The following LRP2 variants were observed in gnomAD, a reference collection of about 807,000 sequenced individuals.
LRP2 encodes the protein LDL receptor related protein 2.
Under a neutral mutation model 531.0 loss-of-function variants are expected in LRP2, and 172 were observed. The observed-to-expected ratio is 0.32, with a 90% CI of 0.29 to 0.37. The LOEUF is 0.37. LRP2 is among the 10% of genes least tolerant of loss of function. LRP2 has a pLI of 1.00. For synonymous variants in LRP2, 1,992 were observed against 2,027.6 expected (o/e 0.98, Z 0.47); for missense variants, 5,167 against 5,868.3 (o/e 0.88, Z 3.90).
At chr2:169,328,686 T>C (rs1181933173) in intron 1 of LRP2, among the ~76,000 whole-genome samples, 1 of 151,996 alleles carries the variant, frequency 6.6e-6, no homozygotes, top group African/African-American at 2.4e-5. Flanking sequence ...TGATGTGAGA[T>C]TTATACTTAT....
At chr2:169,208,704 G>C (rs899622523) in intron 38 of LRP2, among the ~76,000 whole-genome samples, 1 of 152,126 alleles carries the variant, frequency 6.6e-6, no homozygotes, top group Non-Finnish European at 1.5e-5. Flanking sequence ...TGATCCGCCT[G>C]CCTCAGCCTC....
At chr2:169,254,840 T>C (rs988683288) in intron 19 of LRP2, among the ~76,000 whole-genome samples, 2 of 151,990 alleles carry the variant, frequency 1.3e-5, no homozygotes, top group African/African-American at 4.8e-5. Flanking sequence ...AATGTTTCTA[T>C]GTGACAGCAA....
chr2:169,292,412 G>T, intron 6 of LRP2, 43 bp from the exon 7 acceptor site: 4 of 1,276,200 alleles, frequency 3.1e-6, no homozygotes, highest in Non-Finnish European at 4.6e-6. Flanking sequence ...ACAAATCACC[G>T]GGAAAAACTG....
At chr2:169,130,537 CGGCCTCCCAAAGAGCTGGGATTACA>C (rs1289502615) in intron 77 of LRP2, among the ~76,000 whole-genome samples, 2 of 152,186 alleles carry the variant, frequency 1.3e-5, no homozygotes, top group African/African-American at 4.8e-5. Flanking sequence ...CCACCCACCT[CGGCCTCCCAAAGAGCTGGGATTACA>C]GGTGTGAGCC....
At chr2:169,188,985 T>C (rs1418418467) in intron 48 of LRP2, among the ~76,000 whole-genome samples, 1 of 152,170 alleles carries the variant, frequency 6.6e-6, no homozygotes, top group Non-Finnish European at 1.5e-5. Context: ...GAAGAAGGCA[T>C]GCTGTAGTAC....
chr2:169,212,226 C>T lies in LRP2; in HGVS notation c.6041-19G>A. 2 of 1,613,864 alleles carry T rather than the reference C, an allele frequency of 1.2e-6. No homozygotes were observed. Among genetic ancestry groups the T allele is most frequent in the East Asian group, 2.2e-5 (1 of 44,880 alleles). ...GCGGCATCTAAATGAAAACAAAATC[C>T]ATTTGTAACTTTTGATCCTAGCTAC... On this transcript the variant is annotated intron_variant, in intron 36 of 78. Coordinates refer to ENST00000649046, the MANE Select transcript of LRP2 (RefSeq NM_004525.3).
chr2:169,226,377 T>G (rs761346834), intron 32 of LRP2, 45 bp downstream of exon 32: 1 of 1,487,978 alleles, frequency 6.7e-7, no homozygotes, highest in South Asian at 1.1e-5. Context: ...GCAGGCAGGC[T>G]CTTCAAGAAT....
chr2:169,285,804 A>T (rs903928440), intron 9 of LRP2, among the ~76,000 whole-genome samples: 3 of 152,186 alleles, frequency 2.0e-5, no homozygotes, highest in African/African-American at 7.2e-5. Context: ...GGTCAACACT[A>T]CCAGAGGCAG....
rs141263543 is a variant in LRP2, at chr2:169,128,668, C to G, written c.13963G>C (p.Val4655Leu). 18 of 1,613,832 alleles carry G rather than the reference C, an allele frequency of 1.1e-5. No individual in the cohort carries two copies. The highest frequency in any genetic ancestry group is 1.5e-5 in the Non-Finnish European group (18 of 1,179,862). ...TANLVKEDSEV is the reference protein window; with the variant it reads ...TANLVKEDSEL The stretch of plus-strand genomic sequence containing the variant: ...TCCCTAAATAGCTGGTATAGCTATA[C>G]TTCAGAGTCTTCTTTAACAAGATTT... Residue 4655 changes from valine (V) to leucine (L), a missense_variant, in exon 79 of 79, where the codon GTA (valine) becomes CTA (leucine). Transcript: ENST00000649046.
intron 18 of LRP2, 45 bp downstream of exon 18, chr2:169,257,079 G>T: frequency 6.2e-7 from 1 of 1,608,776 alleles, no homozygotes. Context: ...TATGTGTTCT[G>T]CAGTAAAAGA....
chr2:169,201,728 C>A lies in LRP2; in HGVS notation c.8352G>T (p.Thr2784=). ...GCLFRDCNAT[T]EFMCNNRRCI... Reference sequence around the variant, plus strand: ...ACCTTCTGTTATTGCACATAAACTCCGTGGTGGCATTGCAGTCCCTGAACA... The same window carrying A: ...ACCTTCTGTTATTGCACATAAACTCAGTGGTGGCATTGCAGTCCCTGAACA... Residue 2784 remains threonine (T), a synonymous_variant, in exon 44 of 79, where the codon ACG becomes ACT. Transcript: ENST00000649046. The A allele has an allele frequency of 6.2e-7, 1 of 1,614,146 alleles. No individual in the cohort carries two copies. The highest frequency in any genetic ancestry group is 8.5e-7 in the Non-Finnish European group (1 of 1,180,024).
intron 27 of LRP2, 24 bp from the exon 28 acceptor site, chr2:169,237,311 G>A (rs768942082): frequency 7.8e-6 from 12 of 1,534,780 alleles, no homozygotes; most frequent in Middle Eastern, 1.7e-4. Context: ...TGAATAAAGA[G>A]TGAATTCTAG....
intron 46 of LRP2, among the ~76,000 whole-genome samples, chr2:169,195,947 A>T (rs185337279): frequency 6.6e-6 from 1 of 152,198 alleles, no homozygotes. Flanking sequence ...TTTAAATACG[A>T]TGTTAATATT....
Position 169,169,653 on chromosome 2 carries a change from T to G in LRP2, c.11497+49A>C, listed in dbSNP as rs113356455. On this transcript the variant is annotated intron_variant, in intron 60 of 78. Transcript: ENST00000649046. ...CAGCGGACTGATGTCTAAACTATCA[T>G]ATCCATGCTCTCAGGTAAGCAGTAC... The G allele has an allele frequency of 6.5e-4, 921 of 1,413,020 alleles. 12 individuals are homozygous for G. The South Asian group carries it at 6.7e-3, about 10-fold the overall frequency. The allele number at this position is 1,413,020 out of a possible 1,614,324, so 87.5% of individuals were successfully genotyped here. A position where few individuals can be genotyped will look rare whatever the true frequency, so the allele number is the denominator to read the frequency against.
chr2:169,310,095 G>C (rs1164348182), intron 3 of LRP2, among the ~76,000 whole-genome samples: 1 of 152,178 alleles, frequency 6.6e-6, no homozygotes, highest in Admixed American at 6.5e-5. Context: ...CTTTGCTGAA[G>C]TTGCTTATCA....
Position 169,212,198 on chromosome 2 carries a change from T to C in LRP2, c.6050A>G (p.Glu2017Gly), listed in dbSNP as rs766351484. ...GTTGTTGCTACAGCCATTTGAGGAT[T>C]CGGCGGCATCTAAATGAAAACAAAA... ...LQVYHRRNAAESSNGCSNNMN... is the reference protein window; with the variant it reads ...LQVYHRRNAAGSSNGCSNNMN... The change falls in exon 37 of 79, where the codon GAA becomes GGA. Residue 2017 changes from glutamate to glycine, a missense_variant. Around this residue, in one of 6 missense-constraint regions of LRP2, gnomAD observed 2,811 missense variants for 3,058.0 expected, o/e 0.92. Coordinates refer to ENST00000649046, the MANE Select transcript of LRP2 (RefSeq NM_004525.3). 3.7e-6 allele frequency: 6 copies of C among 1,613,922 alleles called. No individual in the cohort carries two copies. The African/African-American group carries it at 8.0e-5, about 22-fold the overall frequency.
chr2:169,237,122 C>T lies in LRP2; in HGVS notation c.4672G>A (p.Ala1558Thr), dbSNP rs769548930. 2.2e-5 allele frequency: 36 copies of T among 1,613,810 alleles called. No individual in the cohort carries two copies. In the South Asian group the frequency reaches 2.7e-4, roughly 12 times the overall value. The change falls in exon 28 of 79, where the codon GCA (alanine) becomes ACA (threonine). Residue 1558 changes from alanine (A) to threonine (T), a missense_variant. Ala to Thr is a moderately conservative substitution (Grantham distance 58). This residue lies in a region of LRP2 where 2,811 missense variants were observed against 3,058.0 expected (regional missense o/e 0.92). Coordinates refer to ENST00000649046, the MANE Select transcript of LRP2 (RefSeq NM_004525.3). The stretch of plus-strand genomic sequence containing the variant: ...TCTTACTTCATTCTGGGATCTAATG[C>T]TAGTCCTCTTGGATTTGTTAGGTTT... ...SKNLTNPRGLALDPRMNEHLL... is the reference protein window; with the variant it reads ...SKNLTNPRGLTLDPRMNEHLL...
chr2:169,241,220 G>A lies in LRP2; in HGVS notation c.3813C>T (p.Cys1271=), dbSNP rs1247362555. ...DEHNACVPKT[C]PSSYFHCDNG... is the part of the protein sequence containing the mutation. ...TGTCACAGTGGAAATATGATGAAGGGCAAGTCTTGGGGACACAGGCATTGT... is the reference window on the plus strand; with the variant it reads ...TGTCACAGTGGAAATATGATGAAGGACAAGTCTTGGGGACACAGGCATTGT... Residue 1271 remains cysteine (C), a synonymous_variant, in exon 25 of 79, where the codon TGC becomes TGT. Coordinates refer to ENST00000649046, the MANE Select transcript of LRP2 (RefSeq NM_004525.3). 9.3e-6 allele frequency: 15 copies of A among 1,614,038 alleles called. No individual in the cohort carries two copies. Among genetic ancestry groups the A allele is most frequent in the African/African-American group, 1.3e-5 (1 of 74,896 alleles).
At chr2:169,213,633 T>C (rs1176218638) in intron 36 of LRP2, 24 bp downstream of exon 36, 2 of 1,564,070 alleles carry the variant, frequency 1.3e-6, no homozygotes, top group Non-Finnish European at 8.8e-7. Flanking sequence ...CACCCATGAA[T>C]GTATTTCAGT....
Sources: allele counts gnomAD v4.1 joint callset (sites outside exome capture counted in the v4.1 genomes callset), GRCh38; gene constraint gnomAD v4.1.1; regional missense constraint gnomAD v4.1.1; transcripts MANE v1.5; gene names NCBI Gene and HGNC (gene_info 2026-07-23, HGNC 2026-07-21).